Variants in PRKG1 observed in about 807,000 individuals in gnomAD.
The protein encoded by PRKG1 is protein kinase cGMP-dependent 1, also known as cGMP-dependent protein kinase 1.
In PRKG1, 35 loss-of-function variants were observed where a neutral mutation model predicts 88.1. The observed-to-expected ratio is 0.40, with a 90% CI of 0.30 to 0.53. The LOEUF is 0.53. PRKG1 is among the 20% of genes least tolerant of loss of function. The pLI, the probability that PRKG1 is intolerant of heterozygous loss-of-function variation, is 0.59. For synonymous variants in PRKG1, 303 were observed against 292.5 expected (o/e 1.04, Z -0.37); for missense variants, 540 against 839.8 (o/e 0.64, Z 4.41).
At chr10:51,216,029 G>T (rs1376875530) in intron 2 of PRKG1, among the ~76,000 whole-genome samples, 1 of 152,200 alleles carries the variant, frequency 6.6e-6, no homozygotes, top group Non-Finnish European at 1.5e-5. Flanking sequence ...AAGTGCCAAG[G>T]CCCTGAGGTA....
intron 2 of PRKG1, among the ~76,000 whole-genome samples, chr10:51,416,250 AT>A (rs1267256532): frequency 6.6e-6 from 1 of 152,188 alleles, no homozygotes; most frequent in Non-Finnish European, 1.5e-5. Flanking sequence ...GAAATAAATC[AT>A]TTTATCATGG....
At chr10:51,326,360 A>G (rs371193221) in intron 2 of PRKG1, among the ~76,000 whole-genome samples, 5 of 152,214 alleles carry the variant, frequency 3.3e-5, no homozygotes, top group African/African-American at 1.2e-4. Flanking sequence ...GTTTATCAGC[A>G]TGGGTCTGGA....
chr10:51,029,440 T>C (rs530931927), intron 1 of PRKG1, among the ~76,000 whole-genome samples: 13 of 152,210 alleles, frequency 8.5e-5, no homozygotes, highest in Admixed American at 1.3e-4. Flanking sequence ...AGCCTGTAAC[T>C]ATTTTTTTTA....
At chr10:51,006,936 A>AT (rs34941069) in intron 1 of PRKG1, among the ~76,000 whole-genome samples, 29,011 of 116,654 alleles carry the variant, frequency 0.25, 3,518 homozygotes, top group Admixed American at 0.31. Flanking sequence ...AGGGCCTGAG[A>AT]TTTTTTTTTT....
intron 3 of PRKG1, among the ~76,000 whole-genome samples, chr10:51,732,083 A>T (rs1235330169): frequency 7.2e-6 from 1 of 139,828 alleles, no homozygotes; most frequent in Non-Finnish European, 1.5e-5. Flanking sequence ...TTGTTGAAAC[A>T]GAGTCTCACT....
chr10:51,282,141 G>T (rs1478677114), intron 2 of PRKG1, among the ~76,000 whole-genome samples: 1 of 151,554 alleles, frequency 6.6e-6, no homozygotes, highest in Non-Finnish European at 1.5e-5. Context: ...TTTGACGTTG[G>T]AGGACAAAGA....
chr10:51,624,596 C>T (rs1407772790), intron 3 of PRKG1, among the ~76,000 whole-genome samples: 1 of 152,172 alleles, frequency 6.6e-6, no homozygotes, highest in Non-Finnish European at 1.5e-5. Context: ...ATTGCCCCTT[C>T]TGGAAGAGCT....
intron 4 of PRKG1, among the ~76,000 whole-genome samples, chr10:51,884,576 C>A (rs1157217144): frequency 3.4e-5 from 5 of 148,540 alleles, no homozygotes; most frequent in Non-Finnish European, 7.4e-5. Context: ...TTTATTGTTT[C>A]TCATGATTCC....
intron 1 of PRKG1, among the ~76,000 whole-genome samples, chr10:51,066,494 T>A (rs754480424): frequency 2.6e-5 from 4 of 152,262 alleles, no homozygotes; most frequent in African/African-American, 4.8e-5. Flanking sequence ...TATTGCTGTG[T>A]ATGTAGATAG....
At chr10:51,620,497 T>C (rs1839178774) in intron 3 of PRKG1, among the ~76,000 whole-genome samples, 1 of 152,026 alleles carries the variant, frequency 6.6e-6, no homozygotes. Flanking sequence ...GATGATGATA[T>C]AACCATCATC....
At chr10:52,021,622 C>G (rs1845187049) in intron 5 of PRKG1, among the ~76,000 whole-genome samples, 2 of 152,042 alleles carry the variant, frequency 1.3e-5, no homozygotes, top group Non-Finnish European at 2.9e-5. Context: ...GTGTGGTAGA[C>G]AGTAGGCAGG....
chr10:51,615,660 C>T (rs2339794), intron 3 of PRKG1, among the ~76,000 whole-genome samples: 117,864 of 146,752 alleles, frequency 0.8, 48,095 homozygotes, highest in South Asian at 0.88. Context: ...CTGCTTGGTT[C>T]TTTTTTTTTT....
intron 5 of PRKG1, among the ~76,000 whole-genome samples, chr10:51,927,096 A>G (rs1335147126): frequency 6.6e-6 from 1 of 152,112 alleles, no homozygotes; most frequent in African/African-American, 2.4e-5. Context: ...AATTACTGAA[A>G]TGTATCAATA....
intron 2 of PRKG1, among the ~76,000 whole-genome samples, chr10:51,370,370 T>C (rs1262820423): frequency 1.3e-5 from 2 of 152,080 alleles, no homozygotes. Flanking sequence ...TCAGAGTTTT[T>C]CCTAGCGGGA....
chr10:52,113,030 CCT>C (rs544583791), intron 7 of PRKG1, among the ~76,000 whole-genome samples: 217 of 152,154 alleles, frequency 1.4e-3, no homozygotes, highest in African/African-American at 4.5e-3. Flanking sequence ...AATTGCTTAA[CCT>C]CTGTTTACTG....
chr10:52,026,772 C>T (rs969799616), intron 5 of PRKG1, among the ~76,000 whole-genome samples: 1 of 152,146 alleles, frequency 6.6e-6, no homozygotes, highest in Non-Finnish European at 1.5e-5. Context: ...CTCAGGAGAT[C>T]AAGACCATCC....
intron 3 of PRKG1, among the ~76,000 whole-genome samples, chr10:51,658,893 G>T (rs1840227297): frequency 6.6e-6 from 1 of 150,664 alleles, no homozygotes; most frequent in Admixed American, 6.6e-5. Context: ...AGTTTTTTTT[G>T]CCCAAATCCT....
chr10:52,016,297 C>T (rs780725132), intron 5 of PRKG1, among the ~76,000 whole-genome samples: 6 of 152,132 alleles, frequency 3.9e-5, no homozygotes, highest in South Asian at 2.1e-4. Flanking sequence ...GGAATCAAGA[C>T]GTTTTTTATA....
At position 50,991,951 on chromosome 10, in the gene PRKG1, C is replaced by G. The variant is rs1564564452; in HGVS notation, c.266+307C>G. 6.6e-6 allele frequency among the ~76,000 whole-genome samples: 1 copy of G among 151,918 alleles called. No individual in the cohort carries two copies. The highest frequency in any genetic ancestry group is 1.5e-5 in the Non-Finnish European group (1 of 67,956). The stretch of plus-strand genomic sequence containing the variant: ...CGCGCGGGCTAACTTGTGCCCTCCA[C>G]ACATGGCTGCAGTCGCGCGGCTGTC... On this transcript the variant is annotated intron_variant, in intron 1 of 17. Transcript: ENST00000401604. This position sits in a 1 kb window ranked among gnomAD's most constrained non-coding sequence, Gnocchi z 4.5.
Sources: allele counts gnomAD v4.1 joint callset (sites outside exome capture counted in the v4.1 genomes callset), GRCh38; gene constraint gnomAD v4.1.1; non-coding constraint Gnocchi (gnomAD v3.1); transcripts MANE v1.5; gene names NCBI Gene and HGNC (gene_info 2026-07-23, HGNC 2026-07-21).